FGGY: variants seen among roughly 807,000 people sequenced by gnomAD.
The protein encoded by FGGY is FGGY carbohydrate kinase domain-containing protein.
In FGGY, 72 loss-of-function variants were observed where a neutral mutation model predicts 71.3. The observed-to-expected ratio is 1.01, with a 90% CI of 0.84 to 1.23. The LOEUF (loss-of-function observed/expected upper bound fraction) is 1.23. FGGY is among the 50% of genes most tolerant of loss of function. The pLI, the probability that FGGY is intolerant of heterozygous loss-of-function variation, is 0.00. For missense variants in FGGY, 668 were observed against 682.3 expected (o/e 0.98, Z 0.23); for synonymous variants, 251 against 250.3 (o/e 1.00, Z -0.02).
At chr1:59,382,279 G>A (rs914648535) in intron 5 of FGGY, among the ~76,000 whole-genome samples, 1 of 152,194 alleles carries the variant, frequency 6.6e-6, no homozygotes, top group African/African-American at 2.4e-5. Flanking sequence ...TTGATAGGGT[G>A]TGATAATTCA....
At chr1:59,727,749 A>G (rs1290625272) in intron 14 of FGGY, among the ~76,000 whole-genome samples, 1 of 152,160 alleles carries the variant, frequency 6.6e-6, no homozygotes, top group African/African-American at 2.4e-5. Flanking sequence ...AAGCAGTTCT[A>G]AGCAAAAAGA....
intron 9 of FGGY, among the ~76,000 whole-genome samples, chr1:59,616,359 T>A (rs2096754161): frequency 6.6e-6 from 1 of 152,138 alleles, no homozygotes; most frequent in South Asian, 2.1e-4. Context: ...GAAACCATCA[T>A]TCTCAGCAAA....
chr1:59,609,649 C>T (rs1401953596), intron 9 of FGGY, among the ~76,000 whole-genome samples: 1 of 152,194 alleles, frequency 6.6e-6, no homozygotes, highest in Non-Finnish European at 1.5e-5. Flanking sequence ...GATTTGCCTA[C>T]CAACTCTTCT....
intron 5 of FGGY, among the ~76,000 whole-genome samples, chr1:59,412,868 C>T (rs1383742278): frequency 1.3e-5 from 2 of 152,176 alleles, no homozygotes; most frequent in Non-Finnish European, 2.9e-5. Flanking sequence ...TTACCACATA[C>T]ACTCTGAGGA....
intron 5 of FGGY, among the ~76,000 whole-genome samples, chr1:59,427,258 C>G (rs1452873861): frequency 6.6e-6 from 1 of 152,182 alleles, no homozygotes; most frequent in South Asian, 2.1e-4. Flanking sequence ...CTGGTGACAG[C>G]AGCTGGGGCC....
intron 7 of FGGY, among the ~76,000 whole-genome samples, chr1:59,543,065 A>C (rs1429494413): frequency 1.3e-5 from 2 of 152,170 alleles, no homozygotes; most frequent in African/African-American, 4.8e-5. Flanking sequence ...GCAGGTTTTG[A>C]AAAATGTCAG....
At chr1:59,703,645 A>G (rs948114452) in intron 14 of FGGY, among the ~76,000 whole-genome samples, 9 of 152,206 alleles carry the variant, frequency 5.9e-5, no homozygotes, top group Non-Finnish European at 1.3e-4. Context: ...CTTGCAGAAG[A>G]ATAGGAAGGC....
chr1:59,473,338 G>T (rs992904541), intron 6 of FGGY, among the ~76,000 whole-genome samples: 2 of 152,034 alleles, frequency 1.3e-5, no homozygotes, highest in African/African-American at 4.8e-5. Flanking sequence ...GCGAGACCAC[G>T]AACCCACCAG....
At chr1:59,537,415 A>G (rs990281840) in intron 7 of FGGY, among the ~76,000 whole-genome samples, 2 of 152,232 alleles carry the variant, frequency 1.3e-5, no homozygotes, top group African/African-American at 2.4e-5. Context: ...GAAAATGGCC[A>G]TACTGCCCAA....
At chr1:59,457,677 A>G (rs1402597570) in intron 6 of FGGY, among the ~76,000 whole-genome samples, 1 of 152,204 alleles carries the variant, frequency 6.6e-6, no homozygotes, top group African/African-American at 2.4e-5. Context: ...GCTTGGGAAT[A>G]GCATACTCAA....
At chr1:59,312,213 T>C (rs1486094882) in intron 1 of FGGY, among the ~76,000 whole-genome samples, 1 of 152,242 alleles carries the variant, frequency 6.6e-6, no homozygotes, top group Non-Finnish European at 1.5e-5. Flanking sequence ...GCCTGTTCAC[T>C]CTGCTGATAG....
intron 1 of FGGY, among the ~76,000 whole-genome samples, chr1:59,302,466 A>G (rs550165394): frequency 3.9e-5 from 6 of 152,314 alleles, no homozygotes; most frequent in African/African-American, 1.4e-4. Flanking sequence ...GCACCATGGA[A>G]TACTATGCAG....
chr1:59,535,088 T>G (rs1314594431), intron 7 of FGGY, among the ~76,000 whole-genome samples: 4 of 152,108 alleles, frequency 2.6e-5, no homozygotes, highest in South Asian at 2.1e-4. Flanking sequence ...AGGAAACCCA[T>G]CTCACCTGCA....
chr1:59,310,051 G>T (rs2044028587), intron 1 of FGGY: 1 of 151,828 alleles, frequency 6.6e-6, no homozygotes, highest in South Asian at 2.1e-4. Context: ...CAACCCATCT[G>T]TGACTTGGCA....
intron 5 of FGGY, among the ~76,000 whole-genome samples, chr1:59,451,252 C>G (rs1256779805): frequency 1.3e-5 from 2 of 151,974 alleles, no homozygotes; most frequent in Non-Finnish European, 2.9e-5. Flanking sequence ...TATGTTCTGC[C>G]TAAACATGTA....
At chr1:59,667,544 A>C in intron 13 of FGGY, 141 bp downstream of exon 13, 1 of 1,088,196 alleles carries the variant, frequency 9.2e-7, no homozygotes, top group Non-Finnish European at 1.3e-6. Context: ...TTATATTCAC[A>C]ATGGAGAAAG....
intron 14 of FGGY, among the ~76,000 whole-genome samples, chr1:59,744,709 C>G (rs995199569): frequency 1.1e-4 from 16 of 152,338 alleles, no homozygotes; most frequent in Admixed American, 9.8e-4. Context: ...ACCCCTGATT[C>G]ATTCATTAAT....
chr1:59,416,667 G>A (rs971206588), intron 5 of FGGY, among the ~76,000 whole-genome samples: 3 of 152,172 alleles, frequency 2.0e-5, no homozygotes, highest in Non-Finnish European at 4.4e-5. Flanking sequence ...CATGGTTGTA[G>A]GATAGTTGCT....
intron 6 of FGGY, among the ~76,000 whole-genome samples, chr1:59,497,397 G>A (rs1283603061): frequency 6.6e-6 from 1 of 152,146 alleles, no homozygotes; most frequent in Non-Finnish European, 1.5e-5. Flanking sequence ...GACCAGCCTG[G>A]CCAACATGGC....
Sources: allele counts gnomAD v4.1 joint callset (sites outside exome capture counted in the v4.1 genomes callset), GRCh38; gene constraint gnomAD v4.1.1; transcripts MANE v1.5; gene names NCBI Gene and HGNC (gene_info 2026-07-23, HGNC 2026-07-21).